Variants in SOS1 observed in about 807,000 individuals in gnomAD.
The protein encoded by SOS1 is son of sevenless homolog 1.
A neutral mutation model predicts 157.6 loss-of-function variants in SOS1; 25 were observed. That is an observed-to-expected ratio of 0.16 (90% CI 0.12 to 0.22). The LOEUF is 0.22. SOS1 is among the 10% of genes least tolerant of loss of function. The pLI is 1.00. For synonymous variants in SOS1, 528 were observed against 534.0 expected (o/e 0.99, Z 0.16); for missense variants, 1,237 against 1,599.1 (o/e 0.77, Z 3.86).
chr2:39,033,666 C>G (rs1012090146), intron 8 of SOS1, among the ~76,000 whole-genome samples: 11 of 152,100 alleles, frequency 7.2e-5, no homozygotes, highest in Non-Finnish European at 2.9e-5. Flanking sequence ...TTTTGAGTAG[C>G]TGGAACCACA....
chr2:38,982,124 G>A lies in SOS1; in HGVS notation c.*3700C>T, dbSNP rs754264049. On this transcript the variant is annotated 3_prime_UTR_variant, in exon 23 of 23. Coordinates refer to ENST00000402219, the MANE Select transcript of SOS1 (RefSeq NM_005633.4). ...AATGTGACCCACTGTTAGCTAATTT[G>A]CTTTATAATTCTGCAGCAATTGGCT... 6.6e-6 allele frequency: 1 copy of A among 152,026 alleles called. No individual in the cohort carries two copies. The highest frequency in any genetic ancestry group is 6.6e-5 in the Admixed American group (1 of 15,248). 9.4% of individuals were successfully genotyped at this position (152,026 alleles called of 1,614,324 possible). A position where few individuals can be genotyped will look rare whatever the true frequency, so the allele number is the denominator to read the frequency against.
intron 1 of SOS1, among the ~76,000 whole-genome samples, chr2:39,116,632 A>G (rs1048280433): frequency 6.6e-5 from 10 of 152,174 alleles, no homozygotes; most frequent in Non-Finnish European, 1.5e-4. Flanking sequence ...CACTTTGGGA[A>G]GCTGAGGCAG....
intron 1 of SOS1, among the ~76,000 whole-genome samples, chr2:39,069,454 C>T (rs756197988): frequency 7.2e-5 from 11 of 152,096 alleles, no homozygotes; most frequent in South Asian, 4.1e-4. Flanking sequence ...CATACGTATG[C>T]ATTCATATAC....
At chr2:39,052,419 A>T (rs1671050940) in intron 5 of SOS1, among the ~76,000 whole-genome samples, 1 of 152,136 alleles carries the variant, frequency 6.6e-6, no homozygotes, top group Non-Finnish European at 1.5e-5. Flanking sequence ...AAGATACAGT[A>T]CCTTTTCATC....
intron 1 of SOS1, among the ~76,000 whole-genome samples, chr2:39,107,182 G>A (rs973371325): frequency 6.6e-6 from 1 of 152,020 alleles, no homozygotes; most frequent in African/African-American, 2.4e-5. Context: ...TTCATAGCCA[G>A]AGATGACCCT....
intron 1 of SOS1, among the ~76,000 whole-genome samples, chr2:39,103,528 C>G (rs1673051340): frequency 1.3e-5 from 2 of 152,130 alleles, no homozygotes; most frequent in Non-Finnish European, 2.9e-5. Flanking sequence ...TGTGCCAAGT[C>G]CATTCAATGG....
chr2:39,051,166 C>A lies in SOS1; in HGVS notation c.842G>T (p.Ser281Ile). The change falls in exon 6 of 23, where the codon AGC becomes ATC. Residue 281 changes from serine (S) to isoleucine (I), a missense_variant. Around this residue, in one of 15 missense-constraint regions of SOS1, gnomAD observed 101 missense variants for 171.5 expected, o/e 0.59. Coordinates refer to ENST00000402219, the MANE Select transcript of SOS1 (RefSeq NM_005633.4). Reference protein sequence around the residue: ...DEGSPHPLVGSCFEDLAEELA... With the variant: ...DEGSPHPLVGICFEDLAEELA... ...TACCTCTGCTAAGTCTTCAAAGCAG[C>A]TTCCTACTAGTGGATGGGGACTGCC... The A allele has an allele frequency of 6.2e-7, 1 of 1,613,828 alleles. No homozygotes were observed. Among genetic ancestry groups the A allele is most frequent in the Non-Finnish European group, 8.5e-7 (1 of 1,179,798 alleles).
At chr2:39,066,923 G>A (rs891071822) in intron 2 of SOS1, among the ~76,000 whole-genome samples, 19 of 152,048 alleles carry the variant, frequency 1.2e-4, no homozygotes, top group Admixed American at 7.2e-4. Flanking sequence ...GAAATTGTTC[G>A]TTTTAGCTTA....
At chr2:39,121,371 C>A (rs1049644790), upstream of SOS1, among the ~76,000 whole-genome samples, 1 of 152,126 alleles carries the variant, frequency 6.6e-6, no homozygotes, top group Admixed American at 6.5e-5. Flanking sequence ...TTCCTGAACA[C>A]GAAGATAAGG....
intron 1 of SOS1, among the ~76,000 whole-genome samples, chr2:39,070,855 C>T (rs1037727649): frequency 1.3e-5 from 2 of 151,956 alleles, no homozygotes; most frequent in Admixed American, 1.3e-4. Context: ...TTAACTAAGT[C>T]CTCTATTTAT....
At chr2:38,998,821 T>A (rs898071820) in intron 17 of SOS1, among the ~76,000 whole-genome samples, 2 of 152,144 alleles carry the variant, frequency 1.3e-5, no homozygotes, top group African/African-American at 4.8e-5. Context: ...AGATCCTGAG[T>A]TCGTTCACTC....
Position 39,120,594 on chromosome 2 carries a change from G to A in SOS1, c.-172C>T, listed in dbSNP as rs962625686. ...CCTGGCGAGGGGGCTGGGGGGCGAG[G>A]CCCGCGCCTGGCCACCCACCCGACA... is the stretch of plus-strand genomic sequence containing the variant. On this transcript the variant is annotated 5_prime_UTR_variant, in exon 1 of 23. Transcript: ENST00000402219. 25 of 719,668 alleles carry A rather than the reference G, an allele frequency of 3.5e-5. No homozygotes were observed. The highest frequency in any genetic ancestry group is 3.5e-4 in the African/African-American group (18 of 51,976). 44.6% of individuals were successfully genotyped at this position (719,668 alleles called of 1,614,324 possible).
intron 1 of SOS1, among the ~76,000 whole-genome samples, chr2:39,100,256 T>C (rs754063226): frequency 3.3e-5 from 5 of 152,160 alleles, no homozygotes; most frequent in Non-Finnish European, 5.9e-5. Flanking sequence ...AAAACAGTAA[T>C]GGAGGTTCCT....
intron 10 of SOS1, among the ~76,000 whole-genome samples, chr2:39,022,255 A>C (rs1310797407): frequency 6.6e-6 from 1 of 151,868 alleles, no homozygotes; most frequent in Non-Finnish European, 1.5e-5. Flanking sequence ...AAGGAGTAAA[A>C]AACTTTTTAG....
chr2:39,037,985 T>C (rs1049177021), intron 6 of SOS1, among the ~76,000 whole-genome samples: 1 of 152,172 alleles, frequency 6.6e-6, no homozygotes, highest in Non-Finnish European at 1.5e-5. Context: ...GATGGAGATA[T>C]ACAAGGAGAT....
At chr2:38,991,374 C>A (rs1036845461) in intron 20 of SOS1, among the ~76,000 whole-genome samples, 1 of 152,148 alleles carries the variant, frequency 6.6e-6, no homozygotes, top group East Asian at 1.9e-4. Context: ...GTAATACATT[C>A]TTTTTGTTGT....
At chr2:39,070,536 C>T (rs1572869904) in intron 1 of SOS1, among the ~76,000 whole-genome samples, 1 of 152,196 alleles carries the variant, frequency 6.6e-6, no homozygotes, top group South Asian at 2.1e-4. Flanking sequence ...CAGTCACCTG[C>T]ATGGATAACC....
At chr2:39,112,909 T>C (rs1180580599) in intron 1 of SOS1, among the ~76,000 whole-genome samples, 2 of 151,526 alleles carry the variant, frequency 1.3e-5, no homozygotes, top group Non-Finnish European at 2.9e-5. Context: ...TGTGATGGAG[T>C]GCGCCTGTAA....
At chr2:39,048,870 CCAT>C (rs1440821160) in intron 6 of SOS1, among the ~76,000 whole-genome samples, 4 of 152,120 alleles carry the variant, frequency 2.6e-5, no homozygotes, top group Admixed American at 1.3e-4. Flanking sequence ...TATTGTTTCT[CCAT>C]CACTCTTTGT....
Sources: gnomAD v4.1 joint callset for allele counts (sites outside exome capture counted in the v4.1 genomes callset) on GRCh38, gnomAD v4.1.1 for gene constraint, gnomAD v4.1.1 regional missense constraint, MANE v1.5 for transcripts, NCBI Gene and HGNC (gene_info 2026-07-23, HGNC 2026-07-21) for gene names.